KLHL1: variants seen among roughly 807,000 people sequenced by gnomAD.
KLHL1 encodes kelch-like protein 1.
KLHL1 carries 47 observed loss-of-function variants against 77.7 expected under a neutral mutation model. The ratio of observed to expected loss-of-function variants is 0.60; its 90% confidence interval spans 0.48 to 0.77. The LOEUF is 0.77. Among genes scored for constraint, KLHL1 ranks in the 30% least tolerant of loss-of-function variants. KLHL1 has a pLI of 0.00. For synonymous variants in KLHL1, 360 were observed against 325.2 expected (o/e 1.11, Z -1.15); for missense variants, 925 against 910.8 (o/e 1.02, Z -0.20).
intron 6 of KLHL1, among the ~76,000 whole-genome samples, chr13:69,808,173 A>C (rs1877698815): frequency 6.6e-6 from 1 of 152,104 alleles, no homozygotes; most frequent in Non-Finnish European, 1.5e-5. Context: ...CAGACTCAGC[A>C]GTGGCTCTTC....
At chr13:70,058,803 T>C (rs1443937736) in intron 1 of KLHL1, among the ~76,000 whole-genome samples, 1 of 152,130 alleles carries the variant, frequency 6.6e-6, no homozygotes, top group African/African-American at 2.4e-5. Flanking sequence ...TTACCTGATT[T>C]CAAATTACAC....
chr13:69,703,899 T>C (rs1875514161), intron 10 of KLHL1, among the ~76,000 whole-genome samples: 1 of 151,680 alleles, frequency 6.6e-6, no homozygotes, highest in Non-Finnish European at 1.5e-5. Flanking sequence ...ACGTGCACAA[T>C]GATGAAATTG....
chr13:70,045,357 T>A (rs751974688), intron 1 of KLHL1, among the ~76,000 whole-genome samples: 15 of 152,136 alleles, frequency 9.9e-5, no homozygotes, highest in Non-Finnish European at 2.1e-4. Flanking sequence ...ATACTCATCA[T>A]TTAGCAAACA....
intron 2 of KLHL1, among the ~76,000 whole-genome samples, chr13:69,972,231 G>A (rs910599386): frequency 2.0e-5 from 3 of 151,866 alleles, no homozygotes; most frequent in Non-Finnish European, 4.4e-5. Context: ...TGTGGTTTAA[G>A]TGCTACTAAA....
At chr13:69,944,831 G>A (rs987587147) in intron 3 of KLHL1, among the ~76,000 whole-genome samples, 10 of 151,992 alleles carry the variant, frequency 6.6e-5, no homozygotes. Context: ...TTCATGCAAA[G>A]GCACAAAAGT....
chr13:69,780,713 T>TATATATAC (rs1566243678), intron 7 of KLHL1, among the ~76,000 whole-genome samples: 3 of 32,966 alleles, frequency 9.1e-5, no homozygotes, highest in South Asian at 2.3e-3. Flanking sequence ...TATATATATA[T>TATATATAC]ATGTATATAT....
intron 1 of KLHL1, among the ~76,000 whole-genome samples, chr13:70,051,419 T>C (rs1886627050): frequency 6.6e-6 from 1 of 152,166 alleles, no homozygotes; most frequent in East Asian, 1.9e-4. Flanking sequence ...AGTGTTATTC[T>C]AGAGTTCTTT....
At chr13:69,716,523 T>C (rs541495614) in intron 9 of KLHL1, among the ~76,000 whole-genome samples, 11 of 152,142 alleles carry the variant, frequency 7.2e-5, no homozygotes, top group Non-Finnish European at 1.3e-4. Context: ...CTCTGGCAAC[T>C]GTAAGAAGAA....
intron 1 of KLHL1, among the ~76,000 whole-genome samples, chr13:70,013,817 C>A (rs1360005540): frequency 6.6e-6 from 1 of 152,108 alleles, no homozygotes; most frequent in Admixed American, 6.5e-5. Flanking sequence ...AAACTCCATG[C>A]CCACAAACTA....
intron 5 of KLHL1, among the ~76,000 whole-genome samples, chr13:69,859,184 G>C (rs1450404325): frequency 6.6e-6 from 1 of 151,558 alleles, no homozygotes. Context: ...AATACCTTCT[G>C]ACTGGTGTAT....
intron 7 of KLHL1, among the ~76,000 whole-genome samples, chr13:69,781,940 C>T (rs868440469): frequency 4.8e-4 from 73 of 152,198 alleles, no homozygotes; most frequent in African/African-American, 1.7e-3. Flanking sequence ...AAAGAGATGA[C>T]ATCAATTGTA....
At chr13:69,757,598 T>A (rs980158814) in intron 7 of KLHL1, among the ~76,000 whole-genome samples, 5 of 152,136 alleles carry the variant, frequency 3.3e-5, no homozygotes, top group African/African-American at 1.2e-4. Context: ...ATTTTAGAAT[T>A]TGAAATTTGA....
intron 6 of KLHL1, among the ~76,000 whole-genome samples, chr13:69,805,573 A>C (rs953331725): frequency 7.9e-5 from 12 of 151,828 alleles, no homozygotes; most frequent in African/African-American, 2.9e-4. Flanking sequence ...TTAAATAAAA[A>C]TTAAAACCAT....
At chr13:70,024,256 CTTTAATT>C (rs1885875599) in intron 1 of KLHL1, among the ~76,000 whole-genome samples, 1 of 151,804 alleles carries the variant, frequency 6.6e-6, no homozygotes, top group African/African-American at 2.4e-5. Flanking sequence ...TTAAATTGAA[CTTTAATT>C]TTTAAAGTTT....
At chr13:69,792,107 C>A (rs1876899943) in intron 7 of KLHL1, among the ~76,000 whole-genome samples, 1 of 151,958 alleles carries the variant, frequency 6.6e-6, no homozygotes. Context: ...CACATGTACT[C>A]CAGAACTTAA....
At chr13:69,705,649 T>A (rs1045225139) in intron 10 of KLHL1, among the ~76,000 whole-genome samples, 19 of 151,744 alleles carry the variant, frequency 1.3e-4, no homozygotes, top group Admixed American at 7.9e-4. Context: ...ATATAAATAA[T>A]GAGAAGATAC....
intron 1 of KLHL1, among the ~76,000 whole-genome samples, chr13:70,043,816 A>G (rs2137382699): frequency 6.6e-6 from 1 of 152,248 alleles, no homozygotes; most frequent in African/African-American, 2.4e-5. Context: ...CCAAAGATGC[A>G]TTTCTCAGAA....
chr13:69,799,427 T>C (rs1347456913), intron 6 of KLHL1, among the ~76,000 whole-genome samples: 2 of 152,336 alleles, frequency 1.3e-5, no homozygotes, highest in East Asian at 3.9e-4. Context: ...CTCATTCAAA[T>C]GAGCTAGATA....
In KLHL1 at chr13:70,107,589, GC is replaced by G; in HGVS notation, c.110del (p.Cys37SerfsTer29). 1.2e-6 allele frequency: 2 copies of G among 1,602,288 alleles called. No individual in the cohort carries two copies. The highest frequency in any genetic ancestry group is 1.7e-6 in the Non-Finnish European group (2 of 1,174,016). On this transcript the variant is annotated frameshift_variant, in exon 1 of 11. Coordinates refer to ENST00000377844, the MANE Select transcript of KLHL1 (RefSeq NM_020866.3). LOFTEE classifies it high-confidence loss of function. ...AGCTGCCACTGCCGTCCTGTTGCAG[GC>G]AGCCTCCCCCCGCCGGGCCGCCGGT... is the stretch of plus-strand genomic sequence containing the variant. ...PSTGGPAGGG[C>X]LQQDGSGSFE...
Sources: allele counts gnomAD v4.1 joint callset (sites outside exome capture counted in the v4.1 genomes callset), GRCh38; gene constraint gnomAD v4.1.1; transcripts MANE v1.5; gene names NCBI Gene and HGNC (gene_info 2026-07-23, HGNC 2026-07-21).